The following SNX29 variants were observed in gnomAD, a reference collection of about 807,000 sequenced individuals.
SNX29 encodes the protein sorting nexin 29.
Under a neutral mutation model 102.1 loss-of-function variants are expected in SNX29, and 78 were observed. That is an observed-to-expected ratio of 0.76 (90% CI 0.64 to 0.92). SNX29 has a LOEUF of 0.92. Among genes scored for constraint, SNX29 ranks in the 40% least tolerant of loss-of-function variants. The pLI is 0.00. For missense variants in SNX29, 1,280 were observed against 1,061.7 expected, an observed-to-expected ratio of 1.21 and a Z score of -2.86; for synonymous variants, 580 against 414.5, an observed-to-expected ratio of 1.40 and a Z score of -4.85.
At chr16:12,400,872 G>T (rs963216123) in intron 17 of SNX29, among the ~76,000 whole-genome samples, 2 of 152,140 alleles carry the variant, frequency 1.3e-5, no homozygotes, top group Admixed American at 1.3e-4. Flanking sequence ...ACCCAGGTTG[G>T]AGTGCAGTGG....
intron 15 of SNX29, among the ~76,000 whole-genome samples, chr16:12,343,020 G>T (rs548373992): frequency 6.6e-6 from 1 of 152,330 alleles, no homozygotes; most frequent in East Asian, 1.9e-4. Flanking sequence ...ACATTTTGAT[G>T]CTCATAAAAT....
At chr16:12,132,865 A>G (rs963651971) in intron 13 of SNX29, among the ~76,000 whole-genome samples, 2 of 152,260 alleles carry the variant, frequency 1.3e-5, no homozygotes, top group Non-Finnish European at 2.9e-5. Flanking sequence ...TCAGCTGGGT[A>G]TGTAAGTTTT....
Position 12,331,177 on chromosome 16 carries a change from A to AGCTGCTGAGCCCAACTTTCCAG in SNX29, c.1783-24978_1783-24957dup, listed in dbSNP as rs539344364. Among the ~76,000 whole-genome samples, 449 of 152,296 alleles carry AGCTGCTGAGCCCAACTTTCCAG rather than the reference A, an allele frequency of 2.9e-3. 5 individuals carry two copies. Among genetic ancestry groups the AGCTGCTGAGCCCAACTTTCCAG allele is most frequent in the South Asian group, 0.011 (51 of 4,822 alleles). The stretch of plus-strand genomic sequence containing the variant: ...CTTCTCCAGAGAGAGCTTTGGCCTC[A>AGCTGCTGAGCCCAACTTTCCAG]GCTGCTGAGCCCAACTTTCCAGGCT... On this transcript the variant is annotated intron_variant, in intron 15 of 20. Coordinates refer to ENST00000566228, the MANE Select transcript of SNX29 (RefSeq NM_032167.5).
At chr16:12,002,869 G>T in intron 2 of SNX29, 122 bp from the exon 3 acceptor site, 1 of 1,044,370 alleles carries the variant, frequency 9.6e-7, no homozygotes, top group Non-Finnish European at 1.5e-6. Flanking sequence ...GTCCTCACTT[G>T]GCATGCAGAG....
intron 13 of SNX29, among the ~76,000 whole-genome samples, chr16:12,157,543 T>A (rs2055603979): frequency 6.6e-6 from 1 of 152,206 alleles, no homozygotes; most frequent in African/African-American, 2.4e-5. Context: ...CAGGCCACTG[T>A]GTAGCACCAT....
intron 16 of SNX29, among the ~76,000 whole-genome samples, chr16:12,387,269 A>G (rs1313196341): frequency 6.6e-6 from 1 of 152,098 alleles, no homozygotes; most frequent in Admixed American, 6.5e-5. Context: ...GTTCCTCATC[A>G]CACAACCGAA....
chr16:12,464,963 C>A (rs2086985735), intron 18 of SNX29, among the ~76,000 whole-genome samples: 1 of 152,210 alleles, frequency 6.6e-6, no homozygotes, highest in South Asian at 2.1e-4. Context: ...GCAGTGGTAT[C>A]TCATTGTGGT....
At chr16:12,255,572 C>T (rs1316017258) in intron 14 of SNX29, among the ~76,000 whole-genome samples, 2 of 151,302 alleles carry the variant, frequency 1.3e-5, no homozygotes, top group African/African-American at 2.5e-5. Context: ...CTGGTAATCA[C>T]CATTCTGCTC....
At chr16:12,171,969 G>T (rs1596417454) in intron 13 of SNX29, among the ~76,000 whole-genome samples, 1 of 152,296 alleles carries the variant, frequency 6.6e-6, no homozygotes, top group East Asian at 1.9e-4. Flanking sequence ...CGAGGATGCG[G>T]TGAGAATTCT....
chr16:12,257,818 G>A (rs1012034256), intron 14 of SNX29, among the ~76,000 whole-genome samples: 7 of 151,536 alleles, frequency 4.6e-5, no homozygotes, highest in African/African-American at 1.2e-4. Flanking sequence ...GTGAGCCACC[G>A]CACCCAGCAC....
At chr16:12,212,385 C>A (rs1286692987) in intron 14 of SNX29, among the ~76,000 whole-genome samples, 1 of 151,570 alleles carries the variant, frequency 6.6e-6, no homozygotes, top group East Asian at 1.9e-4. Flanking sequence ...TGCTCTTTGT[C>A]CTTGAAGGCT....
intron 14 of SNX29, among the ~76,000 whole-genome samples, chr16:12,204,393 G>A (rs918759439): frequency 2.0e-5 from 3 of 152,200 alleles, no homozygotes; most frequent in East Asian, 1.9e-4. Context: ...CTGTGGAATT[G>A]TCTTTCCAAG....
chr16:12,475,214 A>T (rs1010802033), intron 18 of SNX29, among the ~76,000 whole-genome samples: 5 of 152,084 alleles, frequency 3.3e-5, no homozygotes, highest in Admixed American at 6.6e-5. Flanking sequence ...GAAATTGCCC[A>T]CTCGTCAGAA....
chr16:12,000,768 C>A (rs947736102), intron 2 of SNX29, among the ~76,000 whole-genome samples: 1 of 152,128 alleles, frequency 6.6e-6, no homozygotes, highest in African/African-American at 2.4e-5. Context: ...GTAGGAAGGT[C>A]ACAGGCTTTT....
At chr16:11,993,327 C>T (rs1174010643) in intron 1 of SNX29, among the ~76,000 whole-genome samples, 2 of 152,048 alleles carry the variant, frequency 1.3e-5, no homozygotes, top group Non-Finnish European at 2.9e-5. Context: ...CTTGTTTTCT[C>T]CTCCCCACGT....
At chr16:12,553,193 C>T (rs1187045331) in intron 20 of SNX29, among the ~76,000 whole-genome samples, 2 of 152,252 alleles carry the variant, frequency 1.3e-5, no homozygotes, top group Middle Eastern at 3.4e-3. Context: ...TATACAGCTG[C>T]AGTTATTTCC....
At chr16:12,268,963 G>A (rs982069690) in intron 14 of SNX29, among the ~76,000 whole-genome samples, 1 of 152,156 alleles carries the variant, frequency 6.6e-6, no homozygotes, top group Non-Finnish European at 1.5e-5. Flanking sequence ...GGCCGGCTGC[G>A]ATGAGATGAA....
In SNX29 at chr16:12,019,989, A is replaced by G. The variant is rs112013971; in HGVS notation, c.123-7331A>G. Among the ~76,000 whole-genome samples, 771 of 152,232 alleles carry G rather than the reference A, an allele frequency of 5.1e-3. 12 individuals are homozygous for G. The highest frequency in any genetic ancestry group is 0.018 in the African/African-American group (736 of 41,518). On this transcript the variant is annotated intron_variant, in intron 3 of 20. Transcript: ENST00000566228. ...GACCATACTTAACATACAGTTACCT[A>G]TCCTGCTTATTTTTCATCTTATGTT...
intron 7 of SNX29, 136 bp downstream of exon 7, chr16:12,048,756 G>A: frequency 6.9e-7 from 1 of 1,452,376 alleles, no homozygotes; most frequent in Non-Finnish European, 9.5e-7. Flanking sequence ...TTGTGTTTCT[G>A]TTTCTCATCC....
Sources: gnomAD v4.1 joint callset for allele counts (sites outside exome capture counted in the v4.1 genomes callset) on GRCh38, gnomAD v4.1.1 for gene constraint, MANE v1.5 for transcripts, NCBI Gene and HGNC (gene_info 2026-07-23, HGNC 2026-07-21) for gene names.